Variants in PTPRN2 observed in about 807,000 individuals in gnomAD.
PTPRN2 encodes the protein receptor-type tyrosine-protein phosphatase N2.
Under a neutral mutation model 118.8 loss-of-function variants are expected in PTPRN2, and 74 were observed. The ratio of observed to expected loss-of-function variants is 0.62; its 90% CI spans 0.52 to 0.76. PTPRN2 has a LOEUF of 0.76. PTPRN2 is among the 30% of genes least tolerant of loss of function. The pLI, the probability that PTPRN2 is intolerant of heterozygous loss-of-function variation, is 0.00. For synonymous variants in PTPRN2, 641 were observed against 608.0 expected, an observed-to-expected ratio of 1.05 and a Z score of -0.80; for missense variants, 1,481 against 1,394.4, an observed-to-expected ratio of 1.06 and a Z score of -0.99.
At chr7:157,916,296 C>T (rs1295528464) in intron 11 of PTPRN2, among the ~76,000 whole-genome samples, 2 of 152,166 alleles carry the variant, frequency 1.3e-5, no homozygotes, top group African/African-American at 4.8e-5. Flanking sequence ...GTCCCAGGCT[C>T]CTGTGCAGGG....
chr7:158,136,770 G>A (rs2150450392), intron 7 of PTPRN2, 75 bp from the exon 8 acceptor site: 1 of 1,345,940 alleles, frequency 7.4e-7, no homozygotes, highest in Non-Finnish European at 1.1e-6. Flanking sequence ...TAAAAAGGGT[G>A]ACCCTGCAGA....
intron 12 of PTPRN2, among the ~76,000 whole-genome samples, chr7:157,790,200 G>A (rs1175331092): frequency 6.9e-6 from 1 of 144,114 alleles, no homozygotes; most frequent in East Asian, 2.1e-4. Context: ...TGTGTGTGGT[G>A]CGTGGGGTGG....
intron 2 of PTPRN2, among the ~76,000 whole-genome samples, chr7:158,481,302 G>T (rs1468754553): frequency 1.3e-5 from 2 of 152,310 alleles, no homozygotes; most frequent in Non-Finnish European, 2.9e-5. Flanking sequence ...GAGACCTACT[G>T]CTCAAAAAAG....
chr7:158,560,071 C>T (rs1216575914), intron 1 of PTPRN2, among the ~76,000 whole-genome samples: 9 of 152,224 alleles, frequency 5.9e-5, no homozygotes, highest in Admixed American at 4.6e-4. Flanking sequence ...CTAACCACCT[C>T]GTATCAAACA....
rs2002070 is a variant in PTPRN2 at position 158,112,901 on chromosome 7, C to G, written c.1557-1986G>C. On this transcript the variant is annotated intron_variant, in intron 9 of 22. Coordinates refer to ENST00000389418, the MANE Select transcript of PTPRN2 (RefSeq NM_002847.5). Reference sequence around the variant, plus strand: ...GCTGGGGGCAGTGCATCATGAATGCCGAGACCGGGGAGCTGTACGACCAGA... The same window carrying G: ...GCTGGGGGCAGTGCATCATGAATGCGGAGACCGGGGAGCTGTACGACCAGA... 2.0e-5 allele frequency among the ~76,000 whole-genome samples: 3 copies of G among 152,156 alleles called. No individual in the cohort carries two copies. In the South Asian group the frequency reaches 6.2e-4, roughly 32 times the overall value.
intron 2 of PTPRN2, among the ~76,000 whole-genome samples, chr7:158,318,756 G>T (rs1227127009): frequency 3.3e-5 from 5 of 152,248 alleles, no homozygotes; most frequent in Non-Finnish European, 7.3e-5. Context: ...GCACCCCCGG[G>T]GTGGACGTGC....
In PTPRN2 at chr7:157,992,327, C is replaced by T. The variant is rs142986897; in HGVS notation, c.1723+88971G>A. Among the ~76,000 whole-genome samples the T allele has an allele frequency of 4.2e-3, 647 of 152,308 alleles. 5 individuals carry two copies. The highest frequency in any genetic ancestry group is 0.015 in the African/African-American group (614 of 41,550). ...TGGAAAGAGGGGCTGCTCATGGCCC[C>T]GAGTCTCTCGCTCTCCAGGATGAGT... On this transcript the variant is annotated intron_variant, in intron 11 of 22. Coordinates refer to ENST00000389418, the MANE Select transcript of PTPRN2 (RefSeq NM_002847.5).
At chr7:157,633,792 A>G (rs1804117117) in intron 14 of PTPRN2, among the ~76,000 whole-genome samples, 1 of 152,242 alleles carries the variant, frequency 6.6e-6, no homozygotes, top group African/African-American at 2.4e-5. Flanking sequence ...TGTGAGGGCA[A>G]CGGTGTCCGG....
At chr7:158,051,066 G>A (rs995938203) in intron 11 of PTPRN2, among the ~76,000 whole-genome samples, 1 of 152,244 alleles carries the variant, frequency 6.6e-6, no homozygotes, top group Non-Finnish European at 1.5e-5. Context: ...CAGAGATGTG[G>A]TGTGTACATC....
At position 158,438,951 on chromosome 7, in the gene PTPRN2, T is replaced by A. The variant is rs1816776058; in HGVS notation, c.163+50784A>T. Among the ~76,000 whole-genome samples, 1 of 152,200 alleles carries A rather than the reference T, an allele frequency of 6.6e-6. No homozygotes were observed. The highest frequency in any genetic ancestry group is 2.4e-5 in the African/African-American group (1 of 41,450). On this transcript the variant is annotated intron_variant, in intron 2 of 22. Transcript: ENST00000389418. The surrounding 1 kb of genome is among the most constrained non-coding windows in gnomAD (Gnocchi z 4.7). ...CTGTTCAAAGTCACCCCTCTGAGGC[T>A]GCCCTGAGACAAATGCATCTCATTG...
Position 158,565,210 on chromosome 7 carries a change from G to T in PTPRN2, c.112+22348C>A, listed in dbSNP as rs1315601658. Among the ~76,000 whole-genome samples the T allele has an allele frequency of 6.6e-6, 1 of 152,196 alleles. No individual in the cohort carries two copies. Among genetic ancestry groups the T allele is most frequent in the Non-Finnish European group, 1.5e-5 (1 of 68,042 alleles). On this transcript the variant is annotated intron_variant, in intron 1 of 22. Transcript: ENST00000389418. The surrounding 1 kb of genome is among the most constrained non-coding windows in gnomAD (Gnocchi z 4.6). ...TGAGTATCAGGATCCAGCCGTATTT[G>T]ACTTTTAGAGCTGCAATCTATACAG...
At chr7:158,147,017 T>C (rs1383308129) in intron 6 of PTPRN2, among the ~76,000 whole-genome samples, 2 of 4,500 alleles carry the variant, frequency 4.4e-4, no homozygotes. Flanking sequence ...ACGCCACGTG[T>C]CTTTCCCCCT....
intron 4 of PTPRN2, among the ~76,000 whole-genome samples, chr7:158,202,223 A>G (rs977100075): frequency 3.3e-5 from 5 of 152,212 alleles, no homozygotes. Flanking sequence ...TTTTCCAGAA[A>G]TGTTAGGAAA....
intron 11 of PTPRN2, among the ~76,000 whole-genome samples, chr7:158,071,366 C>CGTCGT (rs1563390736): frequency 2.0e-5 from 1 of 50,218 alleles, no homozygotes; most frequent in African/African-American, 8.5e-5. Flanking sequence ...TGGAGGTGCT[C>CGTCGT]ATGGTGGTGG....
chr7:158,092,225 T>C (rs576180349), intron 10 of PTPRN2, among the ~76,000 whole-genome samples: 222 of 149,778 alleles, frequency 1.5e-3, no homozygotes, highest in African/African-American at 4.9e-3. Context: ...TATACACACA[T>C]ATATGTATAT....
chr7:158,054,138 T>C (rs574964403), intron 11 of PTPRN2, among the ~76,000 whole-genome samples: 1 of 151,350 alleles, frequency 6.6e-6, no homozygotes, highest in East Asian at 1.9e-4. Flanking sequence ...CTAGAGAGCA[T>C]GGGGGCCCTA....
intron 7 of PTPRN2, among the ~76,000 whole-genome samples, chr7:158,137,562 C>A (rs1442365551): frequency 6.6e-6 from 1 of 152,146 alleles, no homozygotes; most frequent in Non-Finnish European, 1.5e-5. Context: ...TGGTGCGGGT[C>A]CCGATTCCTT....
At chr7:158,164,714 T>C (rs1822770360) in intron 6 of PTPRN2, among the ~76,000 whole-genome samples, 1 of 151,920 alleles carries the variant, frequency 6.6e-6, no homozygotes, top group Non-Finnish European at 1.5e-5. Context: ...TTTTAAGCTG[T>C]GGGAGATGGG....
chr7:158,312,194 ACACT>A (rs1447296863), intron 3 of PTPRN2, among the ~76,000 whole-genome samples: 45 of 82,038 alleles, frequency 5.5e-4, no homozygotes, highest in East Asian at 3.9e-3. Flanking sequence ...TCATGTGTAG[ACACT>A]CACATGCACA....
Sources: gnomAD v4.1 joint callset for allele counts (sites outside exome capture counted in the v4.1 genomes callset) on GRCh38, gnomAD v4.1.1 for gene constraint, Gnocchi (gnomAD v3.1) non-coding constraint, MANE v1.5 for transcripts, NCBI Gene and HGNC (gene_info 2026-07-23, HGNC 2026-07-21) for gene names.